NOD2: variants seen among roughly 807,000 people sequenced by gnomAD.
The protein encoded by NOD2 is nucleotide-binding oligomerization domain-containing protein 2.
Under a neutral mutation model 90.9 loss-of-function variants are expected in NOD2, and 86 were observed. That is an observed-to-expected ratio of 0.95 (90% CI 0.79 to 1.13). The LOEUF (loss-of-function observed/expected upper bound fraction) is 1.13, where lower values mean the gene tolerates loss of function less well. Ranked by LOEUF, NOD2 falls within the 50% of genes most tolerant of loss-of-function variation. The pLI is 0.00. For synonymous variants in NOD2, 581 were observed against 554.6 expected, an observed-to-expected ratio of 1.05 and a Z score of -0.67; for missense variants, 1,238 against 1,283.8, an observed-to-expected ratio of 0.96 and a Z score of 0.55.
rs1965489095 is a variant in NOD2, at chr16:50,732,428, C to T, written c.*609C>T. The T allele has an allele frequency of 1.9e-5, 3 of 160,678 alleles. No homozygotes were observed. Among genetic ancestry groups the T allele is most frequent in the Admixed American group, 1.7e-4 (3 of 17,408 alleles). 10.0% of individuals were successfully genotyped at this position (160,678 alleles called of 1,614,324 possible). ...TTACAGCACCCCCAACCCTGGCACC[C>T]AGGGTGGGAAGGGCTACACCTTAGC... is the stretch of plus-strand genomic sequence containing the variant. On this transcript the variant is annotated 3_prime_UTR_variant, in exon 12 of 12. Coordinates refer to ENST00000647318, the MANE Select transcript of NOD2 (RefSeq NM_001370466.1).
intron 1 of NOD2, among the ~76,000 whole-genome samples, chr16:50,695,650 C>T (rs1963614814): frequency 6.6e-6 from 1 of 151,938 alleles, no homozygotes; most frequent in Admixed American, 6.6e-5. Context: ...GTGCTGGGGC[C>T]CCCAGTGTTA....
chr16:50,723,203 A>C lies in NOD2; in HGVS notation c.2718-98A>C, dbSNP rs1965143654. The C allele has an allele frequency of 2.4e-5, 21 of 860,628 alleles. No homozygotes were observed. The South Asian group carries it at 2.8e-4, about 12-fold the overall frequency. The allele number at this position is 860,628 out of a possible 1,614,324, so 53.3% of individuals were successfully genotyped here. A position where few individuals can be genotyped will look rare whatever the true frequency, so the allele number is the denominator to read the frequency against. The stretch of plus-strand genomic sequence containing the variant: ...CAATTAGTGATGTCTGAAATGGAGC[A>C]GACCAGGAGAGCACCACGAATTTTG... On this transcript the variant is annotated intron_variant, in intron 8 of 11. Transcript: ENST00000647318.
At chr16:50,727,067 G>A (rs1242982964) in intron 10 of NOD2, among the ~76,000 whole-genome samples, 1 of 151,316 alleles carries the variant, frequency 6.6e-6, no homozygotes, top group Non-Finnish European at 1.5e-5. Flanking sequence ...TTGAACCTGG[G>A]AGGTGGAGGT....
chr16:50,730,690 T>C (rs1434025345), intron 11 of NOD2, among the ~76,000 whole-genome samples: 1 of 152,160 alleles, frequency 6.6e-6, no homozygotes, highest in East Asian at 1.9e-4. Context: ...ATGATTCCAG[T>C]AGTTAACCAG....
intron 1 of NOD2, among the ~76,000 whole-genome samples, chr16:50,695,583 A>G (rs944785342): frequency 6.6e-6 from 1 of 152,184 alleles, no homozygotes; most frequent in Non-Finnish European, 1.5e-5. Flanking sequence ...CCACAAGAGC[A>G]GGTGGGCTCA....
intron 4 of NOD2, chr16:50,712,710 A>G: frequency 2.7e-6 from 1 of 377,306 alleles, no homozygotes; most frequent in South Asian, 2.7e-5. Flanking sequence ...TGTCCAGGAA[A>G]TGGCAGAGCT....
rs761022779 is a variant in NOD2, at chr16:50,725,613, G to T, written c.2885+41G>T. On this transcript the variant is annotated intron_variant, in intron 10 of 11. Coordinates refer to ENST00000647318, the MANE Select transcript of NOD2 (RefSeq NM_001370466.1). ...GCAGGAAACAGGACAATAATTGCTGGCCTTTGGAAGGGGCATTTCTGAATA... is the reference window on the plus strand; with the variant it reads ...GCAGGAAACAGGACAATAATTGCTGTCCTTTGGAAGGGGCATTTCTGAATA... The T allele has an allele frequency of 2.0e-5, 30 of 1,483,336 alleles. No individual in the cohort carries two copies. The Admixed American group carries it at 4.9e-4, about 24-fold the overall frequency. 91.9% of individuals were successfully genotyped at this position (1,483,336 alleles called of 1,614,324 possible). A position where few individuals can be genotyped will look rare whatever the true frequency, so the allele number is the denominator to read the frequency against.
At chr16:50,694,228 G>A (rs912918149) in intron 1 of NOD2, among the ~76,000 whole-genome samples, 1 of 152,182 alleles carries the variant, frequency 6.6e-6, no homozygotes, top group Admixed American at 6.5e-5. Context: ...AGCTGCATGA[G>A]GGCTGGGGGC....
intron 10 of NOD2, chr16:50,727,945 C>G: frequency 3.9e-6 from 1 of 257,756 alleles, no homozygotes; most frequent in Non-Finnish European, 7.8e-6. Context: ...AGCTTCTTCT[C>G]GGTCCAACCA....
chr16:50,693,902 G>A (rs1963526512), intron 1 of NOD2, among the ~76,000 whole-genome samples: 1 of 152,132 alleles, frequency 6.6e-6, no homozygotes, highest in South Asian at 2.1e-4. Flanking sequence ...CCTCTCTGTG[G>A]GACTCAGTTT....
intron 3 of NOD2, chr16:50,710,085 C>T (rs1057254118): frequency 1.3e-5 from 6 of 451,220 alleles, no homozygotes; most frequent in African/African-American, 2.0e-5. Flanking sequence ...AAAAAGTCAC[C>T]TGAGGCTGAG....
intron 3 of NOD2, among the ~76,000 whole-genome samples, chr16:50,709,433 T>C (rs558879359): frequency 6.6e-6 from 1 of 152,200 alleles, no homozygotes; most frequent in South Asian, 2.1e-4. Context: ...AAACCAGCAC[T>C]TCCCCATTTC....
At chr16:50,725,666 A>C in intron 10 of NOD2, 94 bp downstream of exon 10, 2 of 965,776 alleles carry the variant, frequency 2.1e-6, no homozygotes, top group Non-Finnish European at 3.4e-6. Context: ...CGCTGGGCTA[A>C]CTCATGTGAG....
At chr16:50,720,065 T>C in intron 7 of NOD2, 57 bp downstream of exon 7, 1 of 1,503,254 alleles carries the variant, frequency 6.7e-7, no homozygotes, top group South Asian at 1.1e-5. Flanking sequence ...CTTTTGAGGA[T>C]TTAGGGGCAG....
rs752353565 is a variant in NOD2, at chr16:50,725,500, A to G, written c.2813A>G (p.Asn938Ser). 1 of 1,613,544 alleles carries G rather than the reference A, an allele frequency of 6.2e-7. No homozygotes were observed. The highest frequency in any genetic ancestry group is 1.1e-5 in the South Asian group (1 of 91,064). Residue 938 changes from asparagine to serine, a missense_variant, in exon 10 of 12, where the codon AAC becomes AGC. Physicochemically the swap from Asn to Ser is conservative, Grantham distance 46. This residue lies in a region of NOD2 where 667 missense variants were observed against 688.7 expected (regional missense o/e 0.97). Coordinates refer to ENST00000647318, the MANE Select transcript of NOD2 (RefSeq NM_001370466.1). ...CTTCTTCTCACCAGCCTGGAGGAGA[A>G]CCATCTCCAGGATGAAGGTGTATGT... is the stretch of plus-strand genomic sequence containing the variant. ...VMLEELCLEE[N>S]HLQDEGVCSL...
In NOD2 at chr16:50,708,151, G is replaced by A. The variant is rs5743270; in HGVS notation, c.565+191G>A. ...TTGGGAGCATTAAAAGGACAAAAGC[G>A]TGTAATGTTAGCTATTAGCTTTCAT... On this transcript the variant is annotated intron_variant, in intron 3 of 11. Transcript: ENST00000647318. Among the ~76,000 whole-genome samples, 3,274 of 152,244 alleles carry A rather than the reference G, an allele frequency of 0.022. 102 individuals carry two copies. The highest frequency in any genetic ancestry group is 0.065 in the African/African-American group (2,694 of 41,520).
chr16:50,731,674 TG>T, intron 11 of NOD2, 72 bp from the exon 12 acceptor site: 1 of 1,031,618 alleles, frequency 9.7e-7, no homozygotes, highest in Non-Finnish European at 1.5e-6. Flanking sequence ...GTTTAAAAAG[TG>T]GAGGCTTTTG....
chr16:50,699,767 A>C lies in NOD2; in HGVS notation c.272A>C (p.Lys91Thr). ...GCCCAGGCCGACAGCCAGTCCCCCAAGCTGCATGGCTGCTGGGACCCCCAC... is the reference window on the plus strand; with the variant it reads ...GCCCAGGCCGACAGCCAGTCCCCCACGCTGCATGGCTGCTGGGACCCCCAC... ...QEAQADSQSPKLHGCWDPHSL... is the reference protein window; with the variant it reads ...QEAQADSQSPTLHGCWDPHSL... The change falls in exon 2 of 12, where the codon AAG (lysine) becomes ACG (threonine). Residue 91 changes from lysine (K) to threonine (T), a missense_variant. By Grantham distance (78) the Lys-to-Thr change is moderately conservative. This residue lies in a region of NOD2 where 567 missense variants were observed against 577.3 expected (regional missense o/e 0.98). Coordinates refer to ENST00000647318, the MANE Select transcript of NOD2 (RefSeq NM_001370466.1). 6.2e-7 allele frequency: 1 copy of C among 1,613,922 alleles called. No homozygotes were observed. Among genetic ancestry groups the C allele is most frequent in the Non-Finnish European group, 8.5e-7 (1 of 1,180,016 alleles).
chr16:50,718,994 T>C (rs1964921532), intron 6 of NOD2, among the ~76,000 whole-genome samples: 1 of 152,150 alleles, frequency 6.6e-6, no homozygotes, highest in South Asian at 2.1e-4. Flanking sequence ...AGGTTGAGAC[T>C]GGGCACCTTG....
Sources: gnomAD v4.1 joint callset for allele counts (sites outside exome capture counted in the v4.1 genomes callset) on GRCh38, gnomAD v4.1.1 for gene constraint, gnomAD v4.1.1 regional missense constraint, MANE v1.5 for transcripts, NCBI Gene and HGNC (gene_info 2026-07-23, HGNC 2026-07-21) for gene names.